BBX: variants seen among roughly 807,000 people sequenced by gnomAD.
BBX encodes HMG box transcription factor BBX.
BBX carries 30 observed loss-of-function variants against 100.2 expected under a neutral mutation model. That is an observed-to-expected ratio of 0.30 (90% CI 0.22 to 0.41). The LOEUF is 0.41. Ranked by LOEUF, BBX falls within the 10% of genes least tolerant of loss-of-function variation. The pLI is 1.00. For synonymous variants in BBX, 376 were observed against 388.1 expected, an observed-to-expected ratio of 0.97 and a Z score of 0.37; for missense variants, 1,023 against 1,129.8, an observed-to-expected ratio of 0.91 and a Z score of 1.35.
intron 17 of BBX, among the ~76,000 whole-genome samples, chr3:107,803,807 G>A (rs926832693): frequency 2.0e-5 from 3 of 152,100 alleles, no homozygotes; most frequent in African/African-American, 7.2e-5. Flanking sequence ...CTTCCTCTGG[G>A]AGCTAGAATC....
chr3:107,657,059 A>G (rs1310609012), intron 3 of BBX: 2 of 152,152 alleles, frequency 1.3e-5, no homozygotes, highest in Admixed American at 1.3e-4. Flanking sequence ...TTCCCCTCAA[A>G]AGGCATATGG....
chr3:107,562,483 T>C lies in BBX; in HGVS notation c.-84+36085T>C, dbSNP rs1456214672. ...TTGTCTATATAAGTAATAAAAATCT[T>C]GGAATATCTCATTTTATGTAGTAAT... On this transcript the variant is annotated intron_variant, in intron 2 of 17. Transcript: ENST00000325805. 5.3e-5 allele frequency among the ~76,000 whole-genome samples: 8 copies of C among 152,306 alleles called. 1 individual carries two copies. The East Asian group carries it at 1.5e-3, about 29-fold the overall frequency.
intron 5 of BBX, among the ~76,000 whole-genome samples, chr3:107,719,458 A>G (rs1189571810): frequency 1.3e-5 from 2 of 151,960 alleles, no homozygotes; most frequent in Non-Finnish European, 2.9e-5. Flanking sequence ...GTTCATGAAA[A>G]TTTCCTCTGA....
intron 2 of BBX, among the ~76,000 whole-genome samples, chr3:107,637,510 A>G (rs920574423): frequency 6.6e-6 from 1 of 152,206 alleles, no homozygotes; most frequent in Non-Finnish European, 1.5e-5. Context: ...GGGCAAGTGT[A>G]CTGACCATGG....
chr3:107,659,828 C>A, intron 3 of BBX: 1 of 1,047,592 alleles, frequency 9.5e-7, no homozygotes, highest in Non-Finnish European at 1.3e-6. Context: ...AAATGCTGTT[C>A]TAGAAATGCA....
intron 5 of BBX, among the ~76,000 whole-genome samples, chr3:107,717,099 C>T (rs1308704211): frequency 6.6e-6 from 1 of 152,116 alleles, no homozygotes; most frequent in Non-Finnish European, 1.5e-5. Flanking sequence ...ATTGTCTATA[C>T]CCCACTGATT....
intron 5 of BBX, among the ~76,000 whole-genome samples, chr3:107,724,611 C>G (rs76649174): frequency 0.15 from 23,050 of 152,094 alleles, 2,172 homozygotes; most frequent in African/African-American, 0.26. Flanking sequence ...GATCCAGTTT[C>G]AGCTTTCTAC....
At chr3:107,663,811 CT>C (rs35847055) in intron 3 of BBX, among the ~76,000 whole-genome samples, 35,144 of 139,992 alleles carry the variant, frequency 0.25, 5,033 homozygotes, top group East Asian at 0.84. Context: ...CTTTTTTTTC[CT>C]TTTTTTTTTT....
chr3:107,654,500 T>C (rs1428875107), intron 3 of BBX, among the ~76,000 whole-genome samples: 1 of 152,150 alleles, frequency 6.6e-6, no homozygotes, highest in East Asian at 1.9e-4. Context: ...TATGTGCCTC[T>C]GAAAAAATAT....
intron 2 of BBX, among the ~76,000 whole-genome samples, chr3:107,635,868 C>T (rs1037644077): frequency 2.0e-5 from 3 of 151,948 alleles, no homozygotes; most frequent in African/African-American, 4.8e-5. Flanking sequence ...CCTGCCACTA[C>T]GCCTGACTAA....
intron 15 of BBX, among the ~76,000 whole-genome samples, chr3:107,794,839 C>T (rs2069436156): frequency 6.6e-6 from 1 of 152,172 alleles, no homozygotes; most frequent in Admixed American, 6.5e-5. Context: ...AATACAAGAG[C>T]AATGCTGCTT....
chr3:107,675,569 G>A (rs866977760), intron 3 of BBX, among the ~76,000 whole-genome samples: 1 of 152,090 alleles, frequency 6.6e-6, no homozygotes, highest in Admixed American at 6.6e-5. Flanking sequence ...TTTTAATACC[G>A]TCGTTTGTGT....
chr3:107,786,662 T>G (rs1301792763), intron 13 of BBX, among the ~76,000 whole-genome samples: 1 of 152,174 alleles, frequency 6.6e-6, no homozygotes, highest in East Asian at 1.9e-4. Context: ...GATCAAAAAC[T>G]TAAATGTTAA....
At chr3:107,594,796 A>C (rs943305830) in intron 2 of BBX, among the ~76,000 whole-genome samples, 2 of 152,160 alleles carry the variant, frequency 1.3e-5, no homozygotes, top group East Asian at 3.8e-4. Context: ...CCTTGCCTGA[A>C]GAAAAAAAAA....
At chr3:107,787,556 T>G (rs2068566751) in intron 13 of BBX, among the ~76,000 whole-genome samples, 1 of 152,198 alleles carries the variant, frequency 6.6e-6, no homozygotes, top group African/African-American at 2.4e-5. Context: ...GATGAAATGT[T>G]CAAAAATTGG....
intron 10 of BBX, 107 bp from the exon 11 acceptor site, chr3:107,772,521 G>A (rs910518261): frequency 1.1e-4 from 129 of 1,198,096 alleles, no homozygotes; most frequent in Non-Finnish European, 6.0e-5. Flanking sequence ...AAAGTTTAAA[G>A]TGTGTTTTGA....
At chr3:107,761,232 A>G (rs189956231) in intron 10 of BBX, among the ~76,000 whole-genome samples, 1 of 152,368 alleles carries the variant, frequency 6.6e-6, no homozygotes, top group Admixed American at 6.5e-5. Context: ...TCAGATTGAC[A>G]GGAATAGAGG....
At chr3:107,655,092 A>G (rs1332483389) in intron 3 of BBX, among the ~76,000 whole-genome samples, 2 of 152,226 alleles carry the variant, frequency 1.3e-5, no homozygotes, top group African/African-American at 4.8e-5. Flanking sequence ...TTTATTGAAT[A>G]CAAGATGGAC....
At position 107,661,819 on chromosome 3, in the gene BBX, T is replaced by A. The variant is rs1018735411; in HGVS notation, c.-10+15910T>A. 6 of 947,808 alleles carry A rather than the reference T, an allele frequency of 6.3e-6. No homozygotes were observed. In the African/African-American group the frequency reaches 1.1e-4, roughly 17 times the overall value. The allele number at this position is 947,808 out of a possible 1,614,324, so 58.7% of individuals were successfully genotyped here. A position where few individuals can be genotyped will look rare whatever the true frequency, so the allele number is the denominator to read the frequency against. On this transcript the variant is annotated intron_variant, in intron 3 of 17. Coordinates refer to ENST00000325805, the MANE Select transcript of BBX (RefSeq NM_001142568.3). ...ACTGTCTCTGGTCTCTGTGTTTTTC[T>A]TGTCCCAGGCACCCTCAGGAAGACC...
Sources: gnomAD v4.1 joint callset for allele counts (sites outside exome capture counted in the v4.1 genomes callset) on GRCh38, gnomAD v4.1.1 for gene constraint, MANE v1.5 for transcripts, NCBI Gene and HGNC (gene_info 2026-07-23, HGNC 2026-07-21) for gene names.